SPATA7: variants seen among roughly 807,000 people sequenced by gnomAD.
SPATA7 encodes the protein spermatogenesis-associated protein 7.
Under a neutral mutation model 51.8 loss-of-function variants are expected in SPATA7, and 43 were observed. The observed-to-expected ratio is 0.83, with a 90% CI of 0.65 to 1.07. The LOEUF (loss-of-function observed/expected upper bound fraction) is 1.07, where lower values mean the gene tolerates loss of function less well. SPATA7 is among the 50% of genes least tolerant of loss of function. The pLI is 0.00. For missense variants in SPATA7, 683 were observed against 701.3 expected, an observed-to-expected ratio of 0.97 and a Z score of 0.30; for synonymous variants, 230 against 252.8, an observed-to-expected ratio of 0.91 and a Z score of 0.86.
rs758181159 is a variant in SPATA7 at position 88,427,716 on chromosome 14, T to C, written c.912+20T>C. On this transcript the variant is annotated intron_variant, in intron 7 of 11. Coordinates refer to ENST00000393545, the MANE Select transcript of SPATA7 (RefSeq NM_018418.5). ...AAGCAGGTAATAAGTATGAAATCTT[T>C]TGGTATTGCTACATTTGAATTACAG... 1 of 1,524,268 alleles carries C rather than the reference T, an allele frequency of 6.6e-7. No homozygotes were observed. The highest frequency in any genetic ancestry group is 1.1e-5 in the South Asian group (1 of 88,922). 94.4% of individuals were successfully genotyped at this position (1,524,268 alleles called of 1,614,324 possible).
chr14:88,385,966 AGT>A (rs2075563270), intron 1 of SPATA7, 129 bp downstream of exon 1: 7 of 1,531,206 alleles, frequency 4.6e-6, no homozygotes, highest in South Asian at 1.2e-5. Context: ...CTGAGTCGCC[AGT>A]GTTGCCTGGA....
At chr14:88,439,546 A>C (rs185941836), downstream of SPATA7, among the ~76,000 whole-genome samples, 810 of 152,262 alleles carry the variant, frequency 5.3e-3, 5 homozygotes, top group African/African-American at 0.019. Flanking sequence ...GCTATATTTT[A>C]ATTTTATATT....
chr14:88,432,833 C>T (rs867245004), intron 9 of SPATA7: 15 of 252,000 alleles, frequency 6.0e-5, no homozygotes, highest in East Asian at 9.0e-5. Context: ...CATTTGATTG[C>T]GCCTTGTCCT....
In SPATA7 at chr14:88,469,535, C is replaced by G. The variant is rs1472458722; in HGVS notation, c.255-312C>G. 2.5e-6 allele frequency: 4 copies of G among 1,614,188 alleles called. No homozygotes were observed. The South Asian group carries it at 3.3e-5, about 13-fold the overall frequency. ...TTGAGGTCTTCTGGACAGCCATGTT[C>G]AGGCCAGTCTGTGTATTGGAGGTGC... On this transcript the variant is annotated intron_variant, in intron 4 of 4. Transcript: ENST00000556406. This position sits in a 1 kb window ranked among gnomAD's most constrained non-coding sequence, Gnocchi z 4.3.
chr14:88,464,598 C>T (rs564624177), intron 4 of SPATA7, among the ~76,000 whole-genome samples: 24 of 152,120 alleles, frequency 1.6e-4, no homozygotes, highest in South Asian at 8.3e-4. Context: ...GGCGTAATGG[C>T]GCACATCTGT....
At chr14:88,460,822 T>A (rs968154123) in intron 4 of SPATA7, among the ~76,000 whole-genome samples, 1 of 152,220 alleles carries the variant, frequency 6.6e-6, no homozygotes, top group African/African-American at 2.4e-5. Context: ...GCTCTCTTTT[T>A]TCCCCATCTT....
At chr14:88,451,344 A>C (rs183686051) in intron 3 of SPATA7, among the ~76,000 whole-genome samples, 1 of 151,436 alleles carries the variant, frequency 6.6e-6, no homozygotes, top group Non-Finnish European at 1.5e-5. Flanking sequence ...TAATTTTTCT[A>C]TTTTTAGTAG....
chr14:88,438,370 C>G lies in SPATA7; in HGVS notation c.1748C>G (p.Ser583Ter). The G allele has an allele frequency of 6.2e-7, 1 of 1,614,014 alleles. No individual in the cohort carries two copies. The highest frequency in any genetic ancestry group is 1.1e-5 in the South Asian group (1 of 91,076). The change falls in exon 12 of 12, where the codon TCA becomes TGA. Residue 583 changes from serine (S) to a stop codon, truncating the protein, a stop_gained. Coordinates refer to ENST00000393545, the MANE Select transcript of SPATA7 (RefSeq NM_018418.5). LOFTEE classifies it high-confidence loss of function. The part of the protein sequence containing the change: ...KGDNNHDMEL[S>*]TLKIMEMSIE... ...GACAATAATCATGACATGGAGTTAT[C>G]AACTCTTAAAATCATGGAAATGAGC...
intron 4 of SPATA7, among the ~76,000 whole-genome samples, chr14:88,409,096 G>C (rs1457665587): frequency 6.6e-6 from 1 of 152,018 alleles, no homozygotes. Context: ...CCAGGGTTTG[G>C]TATCAGGATG....
rs142974877 is a variant in SPATA7, at chr14:88,418,743, G to T, written c.372+1899G>T. 1.6e-3 allele frequency among the ~76,000 whole-genome samples: 251 copies of T among 152,180 alleles called. 3 individuals carry two copies. The highest frequency in any genetic ancestry group is 4.4e-3 in the South Asian group (21 of 4,824). ...CTTGCCTCAGCCTCCCAAAGTGCTG[G>T]GATTACAGGCGTGAGCCACCATGCC... On this transcript the variant is annotated intron_variant, in intron 5 of 11. Transcript: ENST00000393545.
chr14:88,397,137 G>A (rs140077230), intron 4 of SPATA7, among the ~76,000 whole-genome samples: 306 of 152,182 alleles, frequency 2.0e-3, no homozygotes, highest in African/African-American at 7.0e-3. Flanking sequence ...TGATCCACCT[G>A]ACTCAGTCCC....
chr14:88,443,178 C>T (rs1016635037), downstream of SPATA7, among the ~76,000 whole-genome samples: 6 of 152,090 alleles, frequency 3.9e-5, no homozygotes, highest in Non-Finnish European at 7.4e-5. Context: ...CTCCTGACCT[C>T]GTGGTCCACC....
chr14:88,390,173 C>G (rs574917747), intron 1 of SPATA7, among the ~76,000 whole-genome samples: 2 of 152,098 alleles, frequency 1.3e-5, no homozygotes, highest in African/African-American at 4.8e-5. Context: ...GGAGCACTGC[C>G]TGGCAGGGTT....
chr14:88,418,497 T>C (rs1283892822), intron 5 of SPATA7, among the ~76,000 whole-genome samples: 1 of 152,210 alleles, frequency 6.6e-6, no homozygotes, highest in African/African-American at 2.4e-5. Flanking sequence ...TTTTTTGAGA[T>C]AATGTCTTGC....
chr14:88,419,070 A>G (rs1334946658), intron 5 of SPATA7, among the ~76,000 whole-genome samples: 1 of 152,036 alleles, frequency 6.6e-6, no homozygotes, highest in Non-Finnish European at 1.5e-5. Context: ...TAAACTTTGT[A>G]TTTTCCAGAT....
At chr14:88,465,146 A>G (rs189320939) in intron 4 of SPATA7, among the ~76,000 whole-genome samples, 1 of 152,328 alleles carries the variant, frequency 6.6e-6, no homozygotes, top group African/African-American at 2.4e-5. Context: ...AATGACTACA[A>G]TAAGCATTCC....
At position 88,431,256 on chromosome 14, in the gene SPATA7, T is replaced by A. The variant is rs1222071263; in HGVS notation, c.1082+31T>A. Reference sequence around the variant, plus strand: ...ATCTTTTTTAAGTCTTCGTTTTGCATAGTGGAATCAAGGATTAAGAATCAA... The same window carrying A: ...ATCTTTTTTAAGTCTTCGTTTTGCAAAGTGGAATCAAGGATTAAGAATCAA... On this transcript the variant is annotated intron_variant, in intron 9 of 11. Coordinates refer to ENST00000393545, the MANE Select transcript of SPATA7 (RefSeq NM_018418.5). 3 of 1,579,936 alleles carry A rather than the reference T, an allele frequency of 1.9e-6. No homozygotes were observed. In the Admixed American group the frequency reaches 5.0e-5, roughly 26 times the overall value.
In SPATA7 at chr14:88,468,646, AAG is replaced by A. The variant is rs531768544; in HGVS notation, c.255-1199_255-1198del. 3.9e-5 allele frequency among the ~76,000 whole-genome samples: 6 copies of A among 152,308 alleles called. No individual in the cohort carries two copies. The South Asian group carries it at 1.2e-3, about 32-fold the overall frequency. On this transcript the variant is annotated intron_variant, in intron 4 of 4. Transcript: ENST00000556406. ...ATCATCCTTGAAATGTAAACAGAAA[AAG>A]AATTCTGAGCTCAAATTTGAAAAAC... is the stretch of plus-strand genomic sequence containing the variant.
At chr14:88,436,167 T>A (rs1005757334) in intron 10 of SPATA7, among the ~76,000 whole-genome samples, 5 of 152,206 alleles carry the variant, frequency 3.3e-5, no homozygotes, top group African/African-American at 1.2e-4. Flanking sequence ...TGATCAGTGA[T>A]GTGTGGAATA....
Sources: gnomAD v4.1 joint callset for allele counts (sites outside exome capture counted in the v4.1 genomes callset) on GRCh38, gnomAD v4.1.1 for gene constraint, Gnocchi (gnomAD v3.1) non-coding constraint, MANE v1.5 for transcripts, NCBI Gene and HGNC (gene_info 2026-07-23, HGNC 2026-07-21) for gene names.